ZMIZ1: variants seen among roughly 807,000 people sequenced by gnomAD.
ZMIZ1 encodes the protein zinc finger MIZ domain-containing protein 1.
A neutral mutation model predicts 113.9 loss-of-function variants in ZMIZ1; 17 were observed. That is an observed-to-expected ratio of 0.15 (90% CI 0.10 to 0.22). The LOEUF is 0.22. ZMIZ1 is among the 10% of genes least tolerant of loss of function. The pLI is 1.00. For synonymous variants in ZMIZ1, 607 were observed against 603.1 expected, an observed-to-expected ratio of 1.01 and a Z score of -0.09; for missense variants, 1,059 against 1,477.8, an observed-to-expected ratio of 0.72 and a Z score of 4.65.
Position 79,298,590 on chromosome 10 carries a change from C to A in ZMIZ1, c.1666+10C>A. 2 of 1,587,598 alleles carry A rather than the reference C, an allele frequency of 1.3e-6. No homozygotes were observed. The highest frequency in any genetic ancestry group is 1.7e-6 in the Non-Finnish European group (2 of 1,170,728). ...CTGCCACCACCCCCAGGTGAGGGCC[C>A]TCCCTCCCTCTCTTGGCAGCTCCAC... On this transcript the variant is annotated intron_variant, in intron 15 of 24. Coordinates refer to ENST00000334512, the MANE Select transcript of ZMIZ1 (RefSeq NM_020338.4).
intron 6 of ZMIZ1, among the ~76,000 whole-genome samples, chr10:79,209,641 G>A (rs1215190359): frequency 1.3e-5 from 2 of 152,252 alleles, no homozygotes; most frequent in Non-Finnish European, 2.9e-5. Flanking sequence ...GCCTTGGCCT[G>A]GAGAGGAAGA....
chr10:79,260,182 G>A (rs1469879855), intron 7 of ZMIZ1, among the ~76,000 whole-genome samples: 1 of 152,256 alleles, frequency 6.6e-6, no homozygotes, highest in Non-Finnish European at 1.5e-5. Flanking sequence ...CCTTCCATCA[G>A]TGTTAATTGT....
chr10:79,242,970 G>A (rs1293101571), intron 7 of ZMIZ1, among the ~76,000 whole-genome samples: 5 of 150,932 alleles, frequency 3.3e-5, no homozygotes, highest in Non-Finnish European at 5.9e-5. Context: ...GCGCGCGCGA[G>A]TGAGTGCGGG....
chr10:79,273,914 G>A (rs1008379808), intron 7 of ZMIZ1, among the ~76,000 whole-genome samples: 3 of 152,272 alleles, frequency 2.0e-5, no homozygotes, highest in South Asian at 2.1e-4. Context: ...ATCGTCACCC[G>A]TCTGTGGGAG....
chr10:79,291,527 G>A (rs1853495274), intron 10 of ZMIZ1, among the ~76,000 whole-genome samples: 1 of 152,244 alleles, frequency 6.6e-6, no homozygotes, highest in African/African-American at 2.4e-5. Context: ...GGTATAGATG[G>A]GGTCCAGTTG....
chr10:79,166,998 G>A (rs568245803), intron 4 of ZMIZ1, among the ~76,000 whole-genome samples: 1 of 152,350 alleles, frequency 6.6e-6, no homozygotes, highest in South Asian at 2.1e-4. Context: ...CTGGGCTGCG[G>A]CTCCACCGTG....
At chr10:79,289,509 G>A (rs555801554) in intron 8 of ZMIZ1, among the ~76,000 whole-genome samples, 4 of 152,318 alleles carry the variant, frequency 2.6e-5, no homozygotes, top group South Asian at 2.1e-4. Flanking sequence ...CTGTGGACTC[G>A]GGGATACAGG....
intron 7 of ZMIZ1, among the ~76,000 whole-genome samples, chr10:79,246,673 G>A (rs912388977): frequency 6.6e-6 from 1 of 152,138 alleles, no homozygotes; most frequent in East Asian, 1.9e-4. Flanking sequence ...GGCCTCCCTC[G>A]CCCTCCTTCC....
chr10:79,271,944 T>C (rs1851973365), intron 7 of ZMIZ1, among the ~76,000 whole-genome samples: 1 of 152,194 alleles, frequency 6.6e-6, no homozygotes, highest in Non-Finnish European at 1.5e-5. Context: ...CCAGACACTT[T>C]TAAACACTTT....
chr10:79,117,003 C>G (rs1844063623), intron 1 of ZMIZ1, among the ~76,000 whole-genome samples: 1 of 152,246 alleles, frequency 6.6e-6, no homozygotes, highest in Non-Finnish European at 1.5e-5. Flanking sequence ...TCATGTGACT[C>G]CAGTCACGTT....
chr10:79,293,800 T>C, intron 12 of ZMIZ1, 147 bp downstream of exon 12: 1 of 1,243,792 alleles, frequency 8.0e-7, no homozygotes, highest in Non-Finnish European at 1.2e-6. Context: ...CAGGTGCTCC[T>C]GGGTTTGAGA....
In ZMIZ1 at chr10:79,069,491, G is replaced by A. The variant is rs1349345568; in HGVS notation, c.-337+221G>A. 1.3e-5 allele frequency among the ~76,000 whole-genome samples: 2 copies of A among 151,582 alleles called. No homozygotes were observed. The highest frequency in any genetic ancestry group is 2.9e-5 in the Non-Finnish European group (2 of 67,884). On this transcript the variant is annotated intron_variant, in intron 1 of 24. Coordinates refer to ENST00000334512, the MANE Select transcript of ZMIZ1 (RefSeq NM_020338.4). The surrounding 1 kb of genome is among the most constrained non-coding windows in gnomAD (Gnocchi z 4.6). ...GGCGAGCTCCCGGCTGCGCGGAGCCGGCTTGGGCTGCGCGTGGGGGCCGGG... is the reference window on the plus strand; with the variant it reads ...GGCGAGCTCCCGGCTGCGCGGAGCCAGCTTGGGCTGCGCGTGGGGGCCGGG...
rs1842162102 is a variant in ZMIZ1 at position 79,069,237 on chromosome 10, CCTCCAGCGGCGGCAGCGGCG to C, written c.-366_-347del. The C allele has an allele frequency of 6.6e-6, 1 of 150,410 alleles. No individual in the cohort carries two copies. Among genetic ancestry groups the C allele is most frequent in the Non-Finnish European group, 1.5e-5 (1 of 67,436 alleles). The allele number at this position is 150,410 out of a possible 1,614,324, so 9.3% of individuals were successfully genotyped here. On this transcript the variant is annotated 5_prime_UTR_variant, in exon 1 of 25. Coordinates refer to ENST00000334512, the MANE Select transcript of ZMIZ1 (RefSeq NM_020338.4). The surrounding 1 kb of genome is among the most constrained non-coding windows in gnomAD (Gnocchi z 4.6). ...CTACCCGGCGGTGGCGGCGGCGCGT[CCTCCAGCGGCGGCAGCGGCG>C]CTCGCAGCGCCCGGTAAGTTTGGGG... is the stretch of plus-strand genomic sequence containing the variant.
intron 1 of ZMIZ1, among the ~76,000 whole-genome samples, chr10:79,117,325 A>G (rs1844078415): frequency 6.6e-6 from 1 of 152,254 alleles, no homozygotes; most frequent in African/African-American, 2.4e-5. Context: ...TATTTCATCT[A>G]TTACAGGCGT....
chr10:79,301,681 C>T (rs1195862416), intron 17 of ZMIZ1, among the ~76,000 whole-genome samples: 1 of 152,116 alleles, frequency 6.6e-6, no homozygotes, highest in Admixed American at 6.5e-5. Flanking sequence ...ATGTGATGTG[C>T]TGTGTGAGGC....
intron 1 of ZMIZ1, among the ~76,000 whole-genome samples, chr10:79,113,205 C>T (rs1479996895): frequency 1.3e-5 from 2 of 152,226 alleles, no homozygotes; most frequent in Non-Finnish European, 2.9e-5. Context: ...CTGGCTCCCA[C>T]AGCTCTGGTG....
chr10:79,204,985 A>G (rs570045685), intron 5 of ZMIZ1, among the ~76,000 whole-genome samples: 11 of 152,160 alleles, frequency 7.2e-5, no homozygotes, highest in African/African-American at 2.4e-4. Flanking sequence ...GGATGGATGG[A>G]TGGATGGATG....
chr10:79,126,600 A>G (rs1844521149), intron 2 of ZMIZ1, among the ~76,000 whole-genome samples: 1 of 152,224 alleles, frequency 6.6e-6, no homozygotes, highest in East Asian at 1.9e-4. Flanking sequence ...AGGACTGCTC[A>G]GGGAAAGAAA....
At chr10:79,284,460 A>G (rs965088623) in intron 8 of ZMIZ1, among the ~76,000 whole-genome samples, 2 of 152,200 alleles carry the variant, frequency 1.3e-5, no homozygotes, top group Non-Finnish European at 2.9e-5. Context: ...ACAGGTAGGA[A>G]TGAAAACGGC....
Sources: gnomAD v4.1 joint callset for allele counts (sites outside exome capture counted in the v4.1 genomes callset) on GRCh38, gnomAD v4.1.1 for gene constraint, Gnocchi (gnomAD v3.1) non-coding constraint, MANE v1.5 for transcripts, NCBI Gene and HGNC (gene_info 2026-07-23, HGNC 2026-07-21) for gene names.